PHF10: variants seen among roughly 807,000 people sequenced by gnomAD.
PHF10 encodes BRG1-associated factor 45a.
Under a neutral mutation model 68.5 loss-of-function variants are expected in PHF10, and 51 were observed. That is an observed-to-expected ratio of 0.74 (90% CI 0.59 to 0.94). PHF10 has a LOEUF of 0.94. Ranked by LOEUF, PHF10 falls within the 40% of genes least tolerant of loss-of-function variation. PHF10 has a pLI of 0.00. For missense variants in PHF10, 460 were observed against 602.6 expected (o/e 0.76, Z 2.48); for synonymous variants, 204 against 203.5 (o/e 1.00, Z -0.02).
chr6:169,722,599 T>C (rs945078277), intron 1 of PHF10, among the ~76,000 whole-genome samples: 5 of 152,222 alleles, frequency 3.3e-5, no homozygotes, highest in African/African-American at 1.2e-4. Flanking sequence ...AAGGCATTAT[T>C]ATATAAAGTG....
intron 11 of PHF10, 132 bp downstream of exon 11, chr6:169,705,001 C>G (rs1219245202): frequency 1.7e-6 from 1 of 580,190 alleles, no homozygotes; most frequent in Non-Finnish European, 2.9e-6. Flanking sequence ...CCTGTATAAT[C>G]ACAGCTTTGG....
In PHF10 at chr6:169,719,370, T is replaced by A. The variant is rs559624168; in HGVS notation, c.195-452A>T. 281 of 155,150 alleles carry A rather than the reference T, an allele frequency of 1.8e-3. 4 individuals carry two copies. The highest frequency in any genetic ancestry group is 0.014 in the Admixed American group (216 of 15,650). The allele number at this position is 155,150 out of a possible 1,614,324, so 9.6% of individuals were successfully genotyped here. A position where few individuals can be genotyped will look rare whatever the true frequency, so the allele number is the denominator to read the frequency against. On this transcript the variant is annotated intron_variant, in intron 2 of 11. Transcript: ENST00000339209. ...AAACAGAACTCTTAAAAACCTATTATCTCAGTGCATCATATCATAAACCGT... is the reference window on the plus strand; with the variant it reads ...AAACAGAACTCTTAAAAACCTATTAACTCAGTGCATCATATCATAAACCGT...
At chr6:169,713,598 CAAA>C (rs755248180) in intron 7 of PHF10, among the ~76,000 whole-genome samples, 4 of 76,650 alleles carry the variant, frequency 5.2e-5, no homozygotes, top group Admixed American at 1.5e-4. Context: ...GACTCCATCT[CAAA>C]AAAAAAAAAA....
At chr6:169,721,833 A>T (rs1216624904) in intron 1 of PHF10, among the ~76,000 whole-genome samples, 2 of 152,242 alleles carry the variant, frequency 1.3e-5, no homozygotes, top group Non-Finnish European at 2.9e-5. Flanking sequence ...AAAAATCATA[A>T]TTTTTTAATG....
At chr6:169,718,038 C>CA (rs1789092324) in intron 3 of PHF10, 132 bp from the exon 4 acceptor site, 2 of 457,760 alleles carry the variant, frequency 4.4e-6, no homozygotes, top group Non-Finnish European at 7.9e-6. Context: ...AAAGGGGCTA[C>CA]AAAAAAATTT....
intron 4 of PHF10, among the ~76,000 whole-genome samples, chr6:169,716,676 A>AT (rs1351269793): frequency 1.3e-5 from 2 of 152,230 alleles, no homozygotes; most frequent in Non-Finnish European, 2.9e-5. Context: ...AAGCACGGAC[A>AT]TAATTATACA....
At chr6:169,715,566 AAAC>A in intron 6 of PHF10, 139 bp downstream of exon 6, 4 of 790,206 alleles carry the variant, frequency 5.1e-6, no homozygotes, top group Non-Finnish European at 8.2e-6. Flanking sequence ...CTGCCACAAA[AAAC>A]AAAACAAAAC....
chr6:169,705,790 C>T, intron 9 of PHF10, 66 bp from the exon 10 acceptor site: 1 of 843,980 alleles, frequency 1.2e-6, no homozygotes, highest in Non-Finnish European at 2.1e-6. Flanking sequence ...AAAAGGAATT[C>T]TGTTACTTTA....
intron 6 of PHF10, 98 bp from the exon 7 acceptor site, chr6:169,714,940 C>T (rs184900951): frequency 3.0e-4 from 210 of 711,712 alleles, no homozygotes; most frequent in Admixed American, 2.6e-3. Flanking sequence ...GCCCACTTCC[C>T]CCTCGAAAAG....
intron 2 of PHF10, among the ~76,000 whole-genome samples, chr6:169,720,032 G>A (rs993908310): frequency 4.6e-5 from 7 of 151,730 alleles, no homozygotes; most frequent in African/African-American, 1.7e-4. Flanking sequence ...CTCCAAAGAA[G>A]CTATACAAAT....
chr6:169,721,015 G>C lies in PHF10; in HGVS notation c.184C>G (p.Gln62Glu). 1 of 1,530,364 alleles carries C rather than the reference G, an allele frequency of 6.5e-7. No homozygotes were observed. Among genetic ancestry groups the C allele is most frequent in the South Asian group, 1.2e-5 (1 of 83,356 alleles). The allele number at this position is 1,530,364 out of a possible 1,614,324, so 94.8% of individuals were successfully genotyped here. Residue 62 changes from glutamine to glutamate, a missense_variant, in exon 2 of 12, where the codon CAA (glutamine) becomes GAA (glutamate). By Grantham distance (29) the Gln-to-Glu change is conservative (BLOSUM62 2). Transcript: ENST00000339209. ...ATAAAATGACAGTACCCAAGATCTT[G>C]ACTTGAAGTTTCACAACTCCTAGAA... The part of the protein sequence containing the change: ...DSSRSCETSS[Q>E]DLGFSYYPAE...
At chr6:169,722,443 CCTTAAA>C (rs1231117653) in intron 1 of PHF10, among the ~76,000 whole-genome samples, 4 of 152,032 alleles carry the variant, frequency 2.6e-5, no homozygotes, top group Non-Finnish European at 1.5e-5. Context: ...ATTTTTATAT[CCTTAAA>C]CTTAAAAACA....
At chr6:169,715,630 G>A (rs140454576) in intron 6 of PHF10, 78 bp downstream of exon 6, 18 of 1,189,916 alleles carry the variant, frequency 1.5e-5, no homozygotes, top group East Asian at 2.3e-5. Context: ...AAAAAATAAC[G>A]ATAAAGGGGG....
rs1055703102 is a variant in PHF10 at position 169,714,635 on chromosome 6, A to G, written c.803+98T>C. On this transcript the variant is annotated intron_variant, in intron 7 of 11. Coordinates refer to ENST00000339209, the MANE Select transcript of PHF10 (RefSeq NM_018288.4). ...AAATCCTATACGATATCTTACGGTG[A>G]TATCTATAGACCCCAAAATTGTTAG... 4.7e-5 allele frequency: 34 copies of G among 717,480 alleles called. 1 individual carries two copies. In the Admixed American group the frequency reaches 5.5e-4, roughly 12 times the overall value. The allele number at this position is 717,480 out of a possible 1,614,324, so 44.4% of individuals were successfully genotyped here.
At chr6:169,704,571 TTA>T (rs1191475938) in intron 11 of PHF10, 3 of 170,516 alleles carry the variant, frequency 1.8e-5, no homozygotes, top group African/African-American at 7.2e-5. Context: ...AGAAAAATAA[TTA>T]TGTTGCTTGC....
Position 169,717,881 on chromosome 6 carries a change from G to C in PHF10, c.351C>G (p.His117Gln), listed in dbSNP as rs150354786. The change falls in exon 4 of 12, where the codon CAC becomes CAG. Residue 117 changes from histidine (H) to glutamine (Q), a missense_variant. Physicochemically the swap from His to Gln is conservative, Grantham distance 24 (BLOSUM62 0). This residue lies in a region of PHF10 where 256 missense variants were observed against 410.5 expected (regional missense o/e 0.62). Coordinates refer to ENST00000339209, the MANE Select transcript of PHF10 (RefSeq NM_018288.4). Reference protein sequence around the residue: ...YPDLERRDLSHKEKLYLRELN... With the variant: ...YPDLERRDLSQKEKLYLRELN... ...GCTCTCTCAGGTAGAGTTTCTCCTT[G>C]TGAGACAAATCTCGTCGCTCTAAAT... 7.0e-6 allele frequency: 11 copies of C among 1,564,724 alleles called. No homozygotes were observed. Among genetic ancestry groups the C allele is most frequent in the Non-Finnish European group, 8.8e-6 (10 of 1,141,452 alleles).
rs1789164444 is a variant in PHF10 at position 169,721,038 on chromosome 6, G to A, written c.161C>T (p.Ser54Phe). The A allele has an allele frequency of 6.5e-7, 1 of 1,546,164 alleles. No homozygotes were observed. Among genetic ancestry groups the A allele is most frequent in the Non-Finnish European group, 8.7e-7 (1 of 1,143,932 alleles). Residue 54 changes from serine to phenylalanine, a missense_variant, in exon 2 of 12, where the codon TCT (serine) becomes TTT (phenylalanine). Around this residue, in one of 3 missense-constraint regions of PHF10, gnomAD observed 93 missense variants for 82.4 expected, o/e 1.13. Transcript: ENST00000339209. The part of the protein sequence containing the change: ...KRRRMGSGDS[S>F]RSCETSSQDL... ...TTGACTTGAAGTTTCACAACTCCTA[G>A]AACTATCTCCTGAGCCCATTCGCCT...
rs546772181 is a variant in PHF10, at chr6:169,712,269, C to T, written c.957+117G>A. ...TATAAGTAACTTTTATTGATGAATA[C>T]TTTCTGGAAATTACATGCAACCATC... On this transcript the variant is annotated intron_variant, in intron 8 of 11. Transcript: ENST00000339209. 239 of 918,506 alleles carry T rather than the reference C, an allele frequency of 2.6e-4. 2 individuals carry two copies. In the South Asian group the frequency reaches 3.4e-3, roughly 13 times the overall value. 56.9% of individuals were successfully genotyped at this position (918,506 alleles called of 1,614,324 possible). A position where few individuals can be genotyped will look rare whatever the true frequency, so the allele number is the denominator to read the frequency against.
intron 1 of PHF10, among the ~76,000 whole-genome samples, chr6:169,722,685 G>A (rs1459612797): frequency 1.3e-5 from 2 of 152,186 alleles, no homozygotes; most frequent in African/African-American, 2.4e-5. Context: ...ACGGAATAAG[G>A]TAAGAATTTC....
Sources: allele counts gnomAD v4.1 joint callset (sites outside exome capture counted in the v4.1 genomes callset), GRCh38; gene constraint gnomAD v4.1.1; regional missense constraint gnomAD v4.1.1; transcripts MANE v1.5; gene names NCBI Gene and HGNC (gene_info 2026-07-23, HGNC 2026-07-21).